Variants in TMC1 observed in about 807,000 individuals in gnomAD.
TMC1 encodes transmembrane channel like 1, also known as transmembrane channel-like protein 1.
Under a neutral mutation model 105.8 loss-of-function variants are expected in TMC1, and 84 were observed. The ratio of observed to expected loss-of-function variants is 0.79; its 90% CI spans 0.67 to 0.95. The LOEUF is 0.95. Among genes scored for constraint, TMC1 ranks in the 40% least tolerant of loss-of-function variants. The probability of loss-of-function intolerance (pLI) is 0.00; values close to 1 mark genes in which losing one functional copy is unlikely to be tolerated. For synonymous variants in TMC1, 315 were observed against 311.5 expected, an observed-to-expected ratio of 1.01 and a Z score of -0.12; for missense variants, 817 against 914.1, an observed-to-expected ratio of 0.89 and a Z score of 1.37.
chr9:72,552,363 C>T (rs909909577), intron 1 of TMC1, among the ~76,000 whole-genome samples: 2 of 152,120 alleles, frequency 1.3e-5, no homozygotes, highest in Non-Finnish European at 2.9e-5. Context: ...GAAGGAATCC[C>T]CCCCAGAAGA....
intron 2 of TMC1, among the ~76,000 whole-genome samples, chr9:72,613,758 G>A (rs576160345): frequency 2.0e-5 from 3 of 152,178 alleles, no homozygotes; most frequent in South Asian, 2.1e-4. Context: ...GTGTGTGTGC[G>A]TGTTGTGGGA....
At chr9:72,637,871 G>C (rs1026687608) in intron 4 of TMC1, among the ~76,000 whole-genome samples, 1 of 152,234 alleles carries the variant, frequency 6.6e-6, no homozygotes, top group Non-Finnish European at 1.5e-5. Flanking sequence ...TAGTATTCCA[G>C]TAATAAGGAA....
intron 20 of TMC1, among the ~76,000 whole-genome samples, chr9:72,823,449 C>T (rs1192610012): frequency 6.6e-6 from 1 of 152,174 alleles, no homozygotes; most frequent in East Asian, 1.9e-4. Flanking sequence ...AACTAGGTTA[C>T]TGGAGGTATC....
chr9:72,712,188 T>C (rs1826848468), intron 8 of TMC1, among the ~76,000 whole-genome samples: 1 of 152,198 alleles, frequency 6.6e-6, no homozygotes. Flanking sequence ...AGTATAAGTT[T>C]GAATCAGGTA....
chr9:72,525,410 G>GT (rs1053748491), intron 1 of TMC1, among the ~76,000 whole-genome samples: 1 of 152,196 alleles, frequency 6.6e-6, no homozygotes. Flanking sequence ...CAGGGCAGTT[G>GT]TAAGTACTGA....
At chr9:72,583,558 C>T (rs1268763530) in intron 2 of TMC1, among the ~76,000 whole-genome samples, 2 of 152,182 alleles carry the variant, frequency 1.3e-5, no homozygotes, top group Non-Finnish European at 1.5e-5. Flanking sequence ...AAATCTTATA[C>T]AAGAGCTTTT....
Position 72,754,790 on chromosome 9 carries a change from T to C in TMC1, c.647T>C (p.Leu216Pro). The C allele has an allele frequency of 6.2e-7, 1 of 1,613,184 alleles. No homozygotes were observed. The highest frequency in any genetic ancestry group is 8.5e-7 in the Non-Finnish European group (1 of 1,179,144). ...TFSLIMLPEYLWGLPYGSLPR... is the reference protein window; with the variant it reads ...TFSLIMLPEYPWGLPYGSLPR... ...TTTCTTTGCTTCTTCATACAGTACC[T>C]CTGGGGTTTGCCATATGGCAGTTTA... Residue 216 changes from leucine (L) to proline (P), a missense_variant, in exon 12 of 24, where the codon CTC (leucine) becomes CCC (proline). Leu to Pro is a moderately conservative substitution (Grantham distance 98). Coordinates refer to ENST00000297784, the MANE Select transcript of TMC1 (RefSeq NM_138691.3).
chr9:72,834,142 C>A (rs1829083844), intron 23 of TMC1, among the ~76,000 whole-genome samples: 2 of 151,306 alleles, frequency 1.3e-5, no homozygotes, highest in African/African-American at 4.9e-5. Flanking sequence ...TTTCTCTTGG[C>A]CTTTTCACTT....
intron 1 of TMC1, among the ~76,000 whole-genome samples, chr9:72,539,435 C>T (rs574233568): frequency 2.0e-4 from 30 of 151,876 alleles, no homozygotes; most frequent in Non-Finnish European, 3.2e-4. Flanking sequence ...ACAAAATTTC[C>T]GCCAGATATC....
At chr9:72,790,062 C>T (rs1400582812) in intron 15 of TMC1, among the ~76,000 whole-genome samples, 2 of 152,102 alleles carry the variant, frequency 1.3e-5, no homozygotes, top group African/African-American at 2.4e-5. Context: ...ATCAGAAAAT[C>T]ATTGGTCATG....
chr9:72,725,313 T>A (rs1360205247), intron 8 of TMC1, among the ~76,000 whole-genome samples: 3 of 123,598 alleles, frequency 2.4e-5, no homozygotes, highest in African/African-American at 8.7e-5. Context: ...CACACACATT[T>A]TATGTGTGTA....
chr9:72,651,094 T>A (rs1008551164), intron 5 of TMC1: 5 of 146,784 alleles, frequency 3.4e-5, no homozygotes, highest in Non-Finnish European at 7.4e-5. Context: ...TATATAGATA[T>A]ATATATCACA....
chr9:72,725,298 C>A (rs1164081775), intron 8 of TMC1, among the ~76,000 whole-genome samples: 3 of 132,762 alleles, frequency 2.3e-5, no homozygotes, highest in East Asian at 2.3e-4. Flanking sequence ...CATAGGATAC[C>A]CCCACACACA....
intron 8 of TMC1, among the ~76,000 whole-genome samples, chr9:72,705,947 T>A (rs1409063789): frequency 1.3e-5 from 2 of 152,220 alleles, no homozygotes; most frequent in Non-Finnish European, 2.9e-5. Context: ...GCCAGGAAAG[T>A]TATCCTCAGA....
chr9:72,816,744 T>C (rs1345384499), intron 19 of TMC1, among the ~76,000 whole-genome samples: 1 of 152,190 alleles, frequency 6.6e-6, no homozygotes, highest in Admixed American at 6.5e-5. Flanking sequence ...TATAGGGCCA[T>C]GGCACATCAG....
chr9:72,834,650 C>T (rs1203981145), intron 23 of TMC1, among the ~76,000 whole-genome samples: 1 of 152,158 alleles, frequency 6.6e-6, no homozygotes, highest in Non-Finnish European at 1.5e-5. Flanking sequence ...CAAATGCTCA[C>T]TTAGCCCCCT....
chr9:72,567,272 A>G (rs748929346), intron 1 of TMC1, among the ~76,000 whole-genome samples: 18 of 152,144 alleles, frequency 1.2e-4, no homozygotes, highest in Non-Finnish European at 2.2e-4. Context: ...TTGTCTGCTT[A>G]CTTGTCTGTA....
At position 72,836,932 on chromosome 9, in the gene TMC1, C is replaced by T. The variant is rs1829135004; in HGVS notation, c.*959C>T. ...AGTGTAGGTTTATTAAAAAGTTTTA[C>T]AGCAGGAACAAAAGGAAATAAAATA... On this transcript the variant is annotated 3_prime_UTR_variant, in exon 24 of 24. Coordinates refer to ENST00000297784, the MANE Select transcript of TMC1 (RefSeq NM_138691.3). 2.6e-5 allele frequency: 4 copies of T among 152,102 alleles called. No individual in the cohort carries two copies. Among genetic ancestry groups the T allele is most frequent in the Admixed American group, 2.6e-4 (4 of 15,258 alleles). 9.4% of individuals were successfully genotyped at this position (152,102 alleles called of 1,614,324 possible).
At chr9:72,526,934 T>C (rs1322056698) in intron 1 of TMC1, among the ~76,000 whole-genome samples, 1 of 152,228 alleles carries the variant, frequency 6.6e-6, no homozygotes, top group Non-Finnish European at 1.5e-5. Context: ...AGGCGCTGCC[T>C]GGGCCAGAGG....
Sources: allele counts gnomAD v4.1 joint callset (sites outside exome capture counted in the v4.1 genomes callset), GRCh38; gene constraint gnomAD v4.1.1; transcripts MANE v1.5; gene names NCBI Gene and HGNC (gene_info 2026-07-23, HGNC 2026-07-21).